Variants in SCFD2 observed in about 807,000 individuals in gnomAD.
SCFD2 encodes the protein sec1 family domain containing 2.
A neutral mutation model predicts 58.9 loss-of-function variants in SCFD2; 54 were observed. The ratio of observed to expected loss-of-function variants is 0.92; its 90% CI spans 0.74 to 1.15. The LOEUF is 1.15. Ranked by LOEUF, SCFD2 falls within the 50% of genes most tolerant of loss-of-function variation. The pLI, the probability that SCFD2 is intolerant of heterozygous loss-of-function variation, is 0.00. For missense variants in SCFD2, 805 were observed against 836.6 expected, an observed-to-expected ratio of 0.96 and a Z score of 0.47; for synonymous variants, 321 against 335.9, an observed-to-expected ratio of 0.96 and a Z score of 0.49.
chr4:53,024,922 T>A (rs1011813886), intron 5 of SCFD2, among the ~76,000 whole-genome samples: 1 of 152,078 alleles, frequency 6.6e-6, no homozygotes, highest in Non-Finnish European at 1.5e-5. Flanking sequence ...CCCTCTTGAC[T>A]CCCCCTAGAA....
At chr4:53,017,742 T>C (rs1050804674) in intron 5 of SCFD2, among the ~76,000 whole-genome samples, 1 of 152,182 alleles carries the variant, frequency 6.6e-6, no homozygotes, top group African/African-American at 2.4e-5. Flanking sequence ...AGGCCCTACC[T>C]GCACTGAGCT....
chr4:53,350,728 G>C (rs1012626520), intron 2 of SCFD2, among the ~76,000 whole-genome samples: 3 of 152,042 alleles, frequency 2.0e-5, no homozygotes, highest in African/African-American at 7.2e-5. Flanking sequence ...CTTTTTTCCT[G>C]AAATGGAGTC....
intron 4 of SCFD2, among the ~76,000 whole-genome samples, chr4:53,174,661 G>A (rs561023451): frequency 2.0e-5 from 3 of 152,244 alleles, no homozygotes; most frequent in East Asian, 3.9e-4. Flanking sequence ...TTGGGCACAG[G>A]GAAGAATGGA....
At chr4:53,310,231 A>G (rs975861774) in intron 3 of SCFD2, among the ~76,000 whole-genome samples, 1 of 152,232 alleles carries the variant, frequency 6.6e-6, no homozygotes, top group Non-Finnish European at 1.5e-5. Flanking sequence ...AGAGGCATCA[A>G]GCATAGAACA....
At chr4:53,298,946 C>T (rs1221183680) in intron 3 of SCFD2, among the ~76,000 whole-genome samples, 3 of 152,226 alleles carry the variant, frequency 2.0e-5, no homozygotes, top group East Asian at 1.9e-4. Context: ...CCCATCTGTA[C>T]GTCAACATCA....
chr4:53,153,239 C>T (rs781771457), intron 4 of SCFD2, among the ~76,000 whole-genome samples: 49 of 152,226 alleles, frequency 3.2e-4, no homozygotes, highest in Non-Finnish European at 5.3e-4. Context: ...TCCACCTCTT[C>T]AACAGGTTTC....
intron 4 of SCFD2, among the ~76,000 whole-genome samples, chr4:53,270,951 A>AACCAC (rs1731142957): frequency 6.6e-6 from 1 of 152,150 alleles, no homozygotes; most frequent in Non-Finnish European, 1.5e-5. Flanking sequence ...ACAGAAAACC[A>AACCAC]ACCACCATAA....
chr4:53,206,686 A>C (rs1728415995), intron 4 of SCFD2, among the ~76,000 whole-genome samples: 1 of 152,160 alleles, frequency 6.6e-6, no homozygotes. Context: ...TAATATTCTG[A>C]CTAAAATAAT....
intron 5 of SCFD2, among the ~76,000 whole-genome samples, chr4:53,073,473 C>T (rs1274259277): frequency 2.0e-5 from 3 of 152,042 alleles, no homozygotes; most frequent in Non-Finnish European, 4.4e-5. Flanking sequence ...CCATTTTTGC[C>T]CCCAGCAGTA....
At chr4:53,205,497 A>G (rs1728377539) in intron 4 of SCFD2, among the ~76,000 whole-genome samples, 1 of 152,150 alleles carries the variant, frequency 6.6e-6, no homozygotes, top group African/African-American at 2.4e-5. Context: ...TAAAGCAAAC[A>G]AACAGTAAAA....
chr4:52,932,812 A>G (rs1380685722), intron 5 of SCFD2, among the ~76,000 whole-genome samples: 1 of 152,024 alleles, frequency 6.6e-6, no homozygotes, highest in Admixed American at 6.5e-5. Context: ...GTTGTTGTAA[A>G]TCTCCATTGA....
chr4:53,036,642 A>G (rs1484281054), intron 5 of SCFD2, among the ~76,000 whole-genome samples: 2 of 151,900 alleles, frequency 1.3e-5, no homozygotes, highest in African/African-American at 2.4e-5. Flanking sequence ...GAGTTGAACA[A>G]TGAGAAAATA....
chr4:53,259,357 A>C (rs551108625), intron 4 of SCFD2, among the ~76,000 whole-genome samples: 1 of 152,196 alleles, frequency 6.6e-6, no homozygotes, highest in Non-Finnish European at 1.5e-5. Flanking sequence ...TTCAGGTCAT[A>C]GATGTAAGTC....
At chr4:52,942,695 G>A (rs1398903000) in intron 5 of SCFD2, among the ~76,000 whole-genome samples, 1 of 152,140 alleles carries the variant, frequency 6.6e-6, no homozygotes, top group African/African-American at 2.4e-5. Flanking sequence ...TTACCTTTAC[G>A]TAGCACTCTC....
intron 7 of SCFD2, 54 bp downstream of exon 7, chr4:52,907,403 C>T: frequency 6.3e-7 from 1 of 1,582,382 alleles, no homozygotes; most frequent in Non-Finnish European, 8.7e-7. Context: ...CATTTTCATG[C>T]CCAGCAAAGA....
intron 5 of SCFD2, among the ~76,000 whole-genome samples, chr4:53,019,395 TTGAAA>T (rs1722293330): frequency 6.6e-6 from 1 of 152,182 alleles, no homozygotes; most frequent in African/African-American, 2.4e-5. Flanking sequence ...TGCTTATGAA[TTGAAA>T]TAAGTTTATC....
chr4:53,311,886 G>A (rs1456377088), intron 3 of SCFD2, among the ~76,000 whole-genome samples: 2 of 151,974 alleles, frequency 1.3e-5, no homozygotes, highest in Non-Finnish European at 2.9e-5. Context: ...CGCCTGCCTC[G>A]GCCTCCCAAA....
At chr4:53,250,564 C>A (rs1730325893) in intron 4 of SCFD2, among the ~76,000 whole-genome samples, 2 of 152,300 alleles carry the variant, frequency 1.3e-5, no homozygotes, top group South Asian at 4.2e-4. Flanking sequence ...ACAGTGAAAT[C>A]AAACTAGAAC....
intron 7 of SCFD2, among the ~76,000 whole-genome samples, chr4:52,897,360 G>A (rs961137170): frequency 6.6e-6 from 1 of 152,212 alleles, no homozygotes; most frequent in Non-Finnish European, 1.5e-5. Context: ...AGAGCTTTTA[G>A]TGTGAAGTGT....
Sources: allele counts gnomAD v4.1 joint callset (sites outside exome capture counted in the v4.1 genomes callset), GRCh38; gene constraint gnomAD v4.1.1; transcripts MANE v1.5; gene names NCBI Gene and HGNC (gene_info 2026-07-23, HGNC 2026-07-21).